Variants in VWA3B observed in about 807,000 individuals in gnomAD.
The protein encoded by VWA3B is von Willebrand factor A domain containing 3B.
A neutral mutation model predicts 158.3 loss-of-function variants in VWA3B; 138 were observed. The observed-to-expected ratio is 0.87, with a 90% CI of 0.76 to 1.00. The LOEUF is 1.00. VWA3B is among the 50% of genes least tolerant of loss of function. VWA3B has a pLI of 0.00. For synonymous variants in VWA3B, 596 were observed against 587.3 expected, an observed-to-expected ratio of 1.01 and a Z score of -0.21; for missense variants, 1,555 against 1,565.1, an observed-to-expected ratio of 0.99 and a Z score of 0.11.
chr2:98,122,625 C>T (rs568529832), intron 5 of VWA3B, among the ~76,000 whole-genome samples: 35 of 152,080 alleles, frequency 2.3e-4, no homozygotes, highest in Non-Finnish European at 4.7e-4. Context: ...TGGAACATTC[C>T]CAGGCTCAGG....
chr2:98,197,465 C>A (rs1171854017), intron 12 of VWA3B, among the ~76,000 whole-genome samples: 3 of 152,140 alleles, frequency 2.0e-5, no homozygotes, highest in Admixed American at 2.0e-4. Flanking sequence ...AGCTTTTGCC[C>A]ACAATTTTAG....
chr2:98,215,390 G>A (rs148540154), intron 13 of VWA3B, among the ~76,000 whole-genome samples: 21,563 of 149,820 alleles, frequency 0.14, 2,032 homozygotes, highest in Non-Finnish European at 0.2. Flanking sequence ...GCAGTGAGCC[G>A]AGATCGCGCC....
intron 8 of VWA3B, among the ~76,000 whole-genome samples, chr2:98,176,131 C>A (rs949111285): frequency 6.6e-6 from 1 of 152,196 alleles, no homozygotes; most frequent in Non-Finnish European, 1.5e-5. Flanking sequence ...GCTCACAGGG[C>A]TGAAACCTCA....
In VWA3B at chr2:98,194,432, A is replaced by G. The variant is rs181792407; in HGVS notation, c.1677A>G (p.Gln559=). The G allele has an allele frequency of 8.1e-5, 130 of 1,614,188 alleles. No homozygotes were observed. In the East Asian group the frequency reaches 2.9e-3, roughly 36 times the overall value. ...FDGQAVAWRE[Q]LAEVNEDNLE... ...GTCAAGCAGTTGCTTGGCGGGAACA[A>G]CTTGCTGAAGTCAATGAAGATAATT... Residue 559 remains glutamine, a synonymous_variant, in exon 12 of 28, where the codon CAA becomes CAG. Transcript: ENST00000477737.
chr2:98,326,502 T>C, the VWA3B span, among the ~76,000 whole-genome samples: 2 of 152,204 alleles, frequency 1.3e-5, no homozygotes, highest in Non-Finnish European at 2.9e-5. Flanking sequence ...AGCTTACACC[T>C]GTAATGCCAG....
At chr2:98,201,520 T>C (rs1329440829) in intron 12 of VWA3B, among the ~76,000 whole-genome samples, 2 of 152,200 alleles carry the variant, frequency 1.3e-5, no homozygotes, top group Non-Finnish European at 2.9e-5. Flanking sequence ...CAGTATGATG[T>C]TTAACAGGAG....
intron 12 of VWA3B, among the ~76,000 whole-genome samples, chr2:98,210,917 C>T (rs997337619): frequency 1.4e-4 from 21 of 152,188 alleles, no homozygotes; most frequent in Non-Finnish European, 2.5e-4. Context: ...ACAAACTTGG[C>T]AGTAGTGGCA....
intron 9 of VWA3B, among the ~76,000 whole-genome samples, chr2:98,187,516 C>T (rs574692246): frequency 1.2e-4 from 18 of 152,206 alleles, no homozygotes; most frequent in African/African-American, 3.6e-4. Flanking sequence ...AGAATGGTCT[C>T]GCTGGCCGTC....
At chr2:98,313,775 G>A (rs1022269575), downstream of VWA3B, among the ~76,000 whole-genome samples, 1 of 152,210 alleles carries the variant, frequency 6.6e-6, no homozygotes, top group African/African-American at 2.4e-5. Flanking sequence ...GTGTCTGGTG[G>A]TGGGGTATGA....
intron 8 of VWA3B, among the ~76,000 whole-genome samples, chr2:98,166,124 G>A (rs903578619): frequency 2.0e-5 from 3 of 152,132 alleles, no homozygotes; most frequent in Admixed American, 6.5e-5. Flanking sequence ...ATCACCTGAG[G>A]TCGGCAGTTC....
chr2:98,109,709 G>A (rs1322344209), intron 2 of VWA3B, among the ~76,000 whole-genome samples: 1 of 150,784 alleles, frequency 6.6e-6, no homozygotes, highest in African/African-American at 2.4e-5. Context: ...AATTCCTTTA[G>A]TTTCTTTGTC....
chr2:98,240,331 C>T (rs1470403727), intron 19 of VWA3B, among the ~76,000 whole-genome samples: 1 of 152,142 alleles, frequency 6.6e-6, no homozygotes, highest in African/African-American at 2.4e-5. Context: ...CCTATAGTTG[C>T]AAGGTTCTTC....
At chr2:98,138,457 C>T (rs566570072) in intron 7 of VWA3B, among the ~76,000 whole-genome samples, 10 of 152,174 alleles carry the variant, frequency 6.6e-5, no homozygotes, top group South Asian at 2.1e-4. Flanking sequence ...TTCATGAGCT[C>T]GCCCGTATTT....
chr2:98,095,148 CTA>C (rs1025701814), intron 2 of VWA3B, among the ~76,000 whole-genome samples: 2 of 152,122 alleles, frequency 1.3e-5, no homozygotes, highest in African/African-American at 2.4e-5. Flanking sequence ...ATTGTTTTTT[CTA>C]TGTCTGTGAA....
At chr2:98,233,271 A>G (rs1685456949) in intron 16 of VWA3B, among the ~76,000 whole-genome samples, 1 of 152,148 alleles carries the variant, frequency 6.6e-6, no homozygotes, top group African/African-American at 2.4e-5. Flanking sequence ...GGTGATGTAG[A>G]GGAGTGGTGA....
At position 98,298,422 on chromosome 2, in the gene VWA3B, CTATTCTATTCTATTCTATTCT is replaced by C. The variant is rs1215665070; in HGVS notation, c.3282+392_3282+412del. Among the ~76,000 whole-genome samples, 85 of 151,522 alleles carry C rather than the reference CTATTCTATTCTATTCTATTCT, an allele frequency of 5.6e-4. 2 individuals are homozygous for C. The highest frequency in any genetic ancestry group is 2.8e-3 in the Admixed American group (43 of 15,188). On this transcript the variant is annotated intron_variant, in intron 24 of 27. Transcript: ENST00000477737. ...CTATTCTATTCTATTCTATTCTATT[CTATTCTATTCTATTCTATTCT>C]ATGCCATGCCATGCCATGCCATGCC... is the stretch of plus-strand genomic sequence containing the variant.
chr2:98,121,531 T>G, intron 5 of VWA3B, 73 bp downstream of exon 5: 1 of 1,561,616 alleles, frequency 6.4e-7, no homozygotes, highest in Non-Finnish European at 8.7e-7. Flanking sequence ...CTCAGTGACT[T>G]TACACGGCCC....
intron 12 of VWA3B, among the ~76,000 whole-genome samples, chr2:98,194,912 A>G (rs1332946161): frequency 6.6e-6 from 1 of 152,214 alleles, no homozygotes; most frequent in Non-Finnish European, 1.5e-5. Flanking sequence ...AATACACAGT[A>G]CAATCTGAGT....
Position 98,219,980 on chromosome 2 carries a change from C to T in VWA3B, c.2019+1952C>T, listed in dbSNP as rs532676560. Among the ~76,000 whole-genome samples, 38 of 151,918 alleles carry T rather than the reference C, an allele frequency of 2.5e-4. 1 individual carries two copies. Among genetic ancestry groups the T allele is most frequent in the Non-Finnish European group, 4.4e-4 (30 of 67,952 alleles). On this transcript the variant is annotated intron_variant, in intron 14 of 27. Coordinates refer to ENST00000477737, the MANE Select transcript of VWA3B (RefSeq NM_144992.5). Reference sequence around the variant, plus strand: ...GAATTCAAGACCAGCCTGAGCGACACGGCAAGACCCCACCTCTACAAAAAA... The same window carrying T: ...GAATTCAAGACCAGCCTGAGCGACATGGCAAGACCCCACCTCTACAAAAAA...
Sources: allele counts gnomAD v4.1 joint callset (sites outside exome capture counted in the v4.1 genomes callset), GRCh38; gene constraint gnomAD v4.1.1; transcripts MANE v1.5; gene names NCBI Gene and HGNC (gene_info 2026-07-23, HGNC 2026-07-21).